Variants in SPMAP2L observed in about 807,000 individuals in gnomAD.
SPMAP2L encodes the protein sperm microtubule associated protein 2-like.
the SPMAP2L span, chr4:56,592,917 T>C: frequency 7.5e-6 from 12 of 1,606,654 alleles, no homozygotes; most frequent in South Asian, 1.1e-5. Context: ...CTGGCGAGCA[T>C]TGATGAATTG....
chr4:56,545,410 A>G, the SPMAP2L span, among the ~76,000 whole-genome samples: 1 of 152,188 alleles, frequency 6.6e-6, no homozygotes, highest in Non-Finnish European at 1.5e-5. Flanking sequence ...ATGTGAGTAC[A>G]TGTTTACAAA....
At chr4:56,557,165 C>G in the SPMAP2L span, among the ~76,000 whole-genome samples, 1 of 151,698 alleles carries the variant, frequency 6.6e-6, no homozygotes, top group East Asian at 1.9e-4. Context: ...AGGAGAATTG[C>G]TTAAGCCTGG....
chr4:56,623,355 G>T, the SPMAP2L span, among the ~76,000 whole-genome samples: 2,364 of 152,068 alleles, frequency 0.016, 57 homozygotes, highest in African/African-American at 0.051. Flanking sequence ...ATTCCCTAAG[G>T]GTGTAAGCTT....
the SPMAP2L span, among the ~76,000 whole-genome samples, chr4:56,570,384 C>A: frequency 6.6e-6 from 1 of 152,174 alleles, no homozygotes. Flanking sequence ...CTCACACAAA[C>A]CTAGATGGTA....
the SPMAP2L span, among the ~76,000 whole-genome samples, chr4:56,612,629 G>A: frequency 5.9e-5 from 9 of 151,804 alleles, no homozygotes; most frequent in Admixed American, 2.0e-4. Flanking sequence ...TTGCAGTGGC[G>A]CGATCTCAGC....
chr4:56,581,075 C>T, the SPMAP2L span, among the ~76,000 whole-genome samples: 2 of 151,730 alleles, frequency 1.3e-5, no homozygotes, highest in Non-Finnish European at 2.9e-5. Flanking sequence ...TTCATAGTGA[C>T]AGAAAGTAAG....
chr4:56,573,594 A>G, the SPMAP2L span, among the ~76,000 whole-genome samples: 5 of 152,058 alleles, frequency 3.3e-5, no homozygotes, highest in African/African-American at 7.2e-5. Flanking sequence ...AGTGTGCCCC[A>G]TTGTTCAAAG....
the SPMAP2L span, among the ~76,000 whole-genome samples, chr4:56,554,937 C>CTT: frequency 8.6e-5 from 8 of 93,410 alleles, no homozygotes; most frequent in African/African-American, 1.7e-4. Context: ...ACTATCATTT[C>CTT]TTTTTTTTTT....
At chr4:56,589,763 TA>T in the SPMAP2L span, among the ~76,000 whole-genome samples, 91 of 152,180 alleles carry the variant, frequency 6.0e-4, no homozygotes, top group East Asian at 0.012. Context: ...TTTTTTGTTT[TA>T]TTTTTTTTGC....
chr4:56,538,781 C>T, the SPMAP2L span, among the ~76,000 whole-genome samples: 25 of 152,172 alleles, frequency 1.6e-4, no homozygotes, highest in Admixed American at 1.6e-3. Flanking sequence ...CCAGCCTGGG[C>T]AACAGAGCAA....
At chr4:56,539,372 G>A in the SPMAP2L span, among the ~76,000 whole-genome samples, 1 of 152,124 alleles carries the variant, frequency 6.6e-6, no homozygotes, top group Admixed American at 6.5e-5. Flanking sequence ...TACAGGACAA[G>A]CACTTCATTT....
chr4:56,621,451 A>G, the SPMAP2L span, among the ~76,000 whole-genome samples: 1 of 152,216 alleles, frequency 6.6e-6, no homozygotes, highest in Non-Finnish European at 1.5e-5. Flanking sequence ...TATGTTGAAG[A>G]GCTAGAACTT....
At chr4:56,620,386 GT>G in the SPMAP2L span, among the ~76,000 whole-genome samples, 7,988 of 141,898 alleles carry the variant, frequency 0.056, 474 homozygotes, top group African/African-American at 0.16. Context: ...TAGCCTTCTA[GT>G]TTTTTTTTTT....
chr4:56,536,006 C>T, the SPMAP2L span, among the ~76,000 whole-genome samples: 9 of 152,240 alleles, frequency 5.9e-5, 1 homozygote, highest in Admixed American at 5.9e-4. Context: ...CACATGCGCA[C>T]GCGCAGTTCA....
the SPMAP2L span, among the ~76,000 whole-genome samples, chr4:56,622,642 C>A: frequency 6.6e-6 from 1 of 152,146 alleles, no homozygotes; most frequent in Non-Finnish European, 1.5e-5. Flanking sequence ...AGGCAGAGAA[C>A]CAAGTCTTCA....
chr4:56,610,894 G>A, the SPMAP2L span, among the ~76,000 whole-genome samples: 1 of 152,124 alleles, frequency 6.6e-6, no homozygotes, highest in East Asian at 1.9e-4. Context: ...ACCACAATGC[G>A]ATACCACCTT....
chr4:56,612,340 C>G, the SPMAP2L span, among the ~76,000 whole-genome samples: 4 of 152,034 alleles, frequency 2.6e-5, no homozygotes, highest in Non-Finnish European at 5.9e-5. Context: ...TTTACCCAAA[C>G]ATTTCTTTTT....
the SPMAP2L span, among the ~76,000 whole-genome samples, chr4:56,568,395 G>A: frequency 6.6e-5 from 10 of 152,022 alleles, no homozygotes; most frequent in African/African-American, 2.4e-4. Flanking sequence ...GGATGTTTTT[G>A]TATTCCTATA....
the SPMAP2L span, among the ~76,000 whole-genome samples, chr4:56,616,432 C>T: frequency 6.6e-6 from 1 of 152,184 alleles, no homozygotes; most frequent in African/African-American, 2.4e-5. Context: ...TGTGGAGACA[C>T]AAGTCAGCTC....
Sources: gnomAD v4.1 joint callset for allele counts (sites outside exome capture counted in the v4.1 genomes callset) on GRCh38, gnomAD v4.1.1 for gene constraint, MANE v1.5 for transcripts, NCBI Gene and HGNC (gene_info 2026-07-23, HGNC 2026-07-21) for gene names.